SBNO1: variants seen among roughly 807,000 people sequenced by gnomAD.
SBNO1 encodes the protein protein strawberry notch homolog 1.
A neutral mutation model predicts 173.6 loss-of-function variants in SBNO1; 23 were observed. The observed-to-expected ratio is 0.13, with a 90% CI of 0.10 to 0.19. SBNO1 has a LOEUF of 0.19. Among genes scored for constraint, SBNO1 ranks in the 10% least tolerant of loss-of-function variants. The probability of loss-of-function intolerance (pLI) is 1.00; values close to 1 mark genes in which losing one functional copy is unlikely to be tolerated. For missense variants in SBNO1, 1,238 were observed against 1,671.2 expected, an observed-to-expected ratio of 0.74 and a Z score of 4.52; for synonymous variants, 632 against 571.5, an observed-to-expected ratio of 1.11 and a Z score of -1.51.
chr12:123,327,683 A>C, intron 12 of SBNO1, 24 bp downstream of exon 12: 1 of 1,588,248 alleles, frequency 6.3e-7, no homozygotes, highest in Non-Finnish European at 8.6e-7. Context: ...TACTGAGAAG[A>C]GTATATACCG....
At chr12:123,331,732 G>C (rs1006546952) in intron 7 of SBNO1, among the ~76,000 whole-genome samples, 8 of 152,124 alleles carry the variant, frequency 5.3e-5, no homozygotes, top group African/African-American at 1.9e-4. Context: ...ATGTTAGCCA[G>C]GATGATCTCG....
chr12:123,321,690 C>T lies in SBNO1; in HGVS notation c.2168G>A (p.Gly723Asp). The T allele has an allele frequency of 6.2e-7, 1 of 1,614,118 alleles. No individual in the cohort carries two copies. The highest frequency in any genetic ancestry group is 8.5e-7 in the Non-Finnish European group (1 of 1,180,022). ...TREAKKARKV[G>D]GLTGSSSDDS... The stretch of plus-strand genomic sequence containing the variant: ...GTCAGAACTGCTACCAGTAAGGCCA[C>T]CTACTTTTCGTGCTTTTTTGGCTTC... Residue 723 changes from glycine (G) to aspartate (D), a missense_variant, in exon 17 of 32, where the codon GGT (glycine) becomes GAT (aspartate). Around this residue, in one of 14 missense-constraint regions of SBNO1, gnomAD observed 81 missense variants for 82.6 expected, o/e 0.98. Transcript: ENST00000602398.
intron 29 of SBNO1, 64 bp downstream of exon 29, chr12:123,304,518 G>A (rs750583942): frequency 1.6e-6 from 2 of 1,262,450 alleles, no homozygotes; most frequent in Non-Finnish European, 1.1e-6. Flanking sequence ...TTACAGGTGT[G>A]AGCCACATTG....
Position 123,345,543 on chromosome 12 carries a change from C to T in SBNO1, c.265G>A (p.Val89Met). Reference protein sequence around the residue: ...RQQPPSTTTFVLNQINHLPPL... With the variant: ...RQQPPSTTTFMLNQINHLPPL... ...GGAAGATGATTTATTTGATTCAGCA[C>T]AAATGTTGTAGTAGATGGAGGCTGC... Residue 89 changes from valine (V) to methionine (M), a missense_variant, in exon 4 of 32, where the codon GTG (valine) becomes ATG (methionine). Physicochemically the swap from Val to Met is conservative, Grantham distance 21 (BLOSUM62 1). This residue lies in a region of SBNO1 where 287 missense variants were observed against 274.1 expected (regional missense o/e 1.05). Transcript: ENST00000602398. 4 of 1,613,936 alleles carry T rather than the reference C, an allele frequency of 2.5e-6. No individual in the cohort carries two copies. The highest frequency in any genetic ancestry group is 3.4e-6 in the Non-Finnish European group (4 of 1,179,882).
At chr12:123,324,915 T>C (rs1870439624) in intron 15 of SBNO1, among the ~76,000 whole-genome samples, 1 of 151,910 alleles carries the variant, frequency 6.6e-6, no homozygotes, top group South Asian at 2.1e-4. Flanking sequence ...TTCAATGGAT[T>C]CTCCTGCCTC....
intron 16 of SBNO1, among the ~76,000 whole-genome samples, 154 bp downstream of exon 16, chr12:123,323,526 T>C (rs11057270): frequency 0.27 from 40,828 of 151,732 alleles, 6,641 homozygotes; most frequent in African/African-American, 0.44. Context: ...GGCTAATTTT[T>C]TGTATTTTCA....
intron 21 of SBNO1, among the ~76,000 whole-genome samples, chr12:123,316,765 T>C (rs1171849840): frequency 3.4e-5 from 5 of 149,064 alleles, no homozygotes. Flanking sequence ...TGCAATAGCG[T>C]GATCTCAGCT....
At chr12:123,317,690 G>T (rs1038171054) in intron 20 of SBNO1, among the ~76,000 whole-genome samples, 1 of 152,120 alleles carries the variant, frequency 6.6e-6, no homozygotes, top group African/African-American at 2.4e-5. Flanking sequence ...GGAAATGGAG[G>T]CCCACATAAT....
At chr12:123,320,109 C>T in intron 19 of SBNO1, 78 bp from the exon 20 acceptor site, 1 of 1,503,662 alleles carries the variant, frequency 6.7e-7, no homozygotes, top group Non-Finnish European at 9.2e-7. Flanking sequence ...TCCTTGAAGA[C>T]ACTTGGGAGA....
chr12:123,331,121 A>C (rs6488869), intron 8 of SBNO1, 121 bp downstream of exon 8: 915,903 of 959,866 alleles, frequency 0.95, 437,788 homozygotes, highest in Non-Finnish European at 0.96. Context: ...CACCATGACG[A>C]CCGGCTGATT....
chr12:123,295,704 A>C lies in SBNO1; in HGVS notation c.*204T>G, dbSNP rs562555841. The C allele has an allele frequency of 3.3e-4, 198 of 595,034 alleles. No individual in the cohort carries two copies. Among genetic ancestry groups the C allele is most frequent in the Non-Finnish European group, 5.0e-4 (168 of 337,504 alleles). The allele number at this position is 595,034 out of a possible 1,614,324, so 36.9% of individuals were successfully genotyped here. On this transcript the variant is annotated 3_prime_UTR_variant, in exon 32 of 32. Coordinates refer to ENST00000602398, the MANE Select transcript of SBNO1 (RefSeq NM_001167856.3). Reference sequence around the variant, plus strand: ...ATGGGAATTATCAGGGGAGAAGCTAAAGGAAAGACATATGTACCACCATCA... The same window carrying C: ...ATGGGAATTATCAGGGGAGAAGCTACAGGAAAGACATATGTACCACCATCA...
chr12:123,320,369 T>C (rs1423013906), intron 19 of SBNO1, 63 bp downstream of exon 19: 1 of 1,391,836 alleles, frequency 7.2e-7, no homozygotes, highest in Non-Finnish European at 9.9e-7. Context: ...ACAGTCAAAA[T>C]ACAACTCATT....
intron 4 of SBNO1, among the ~76,000 whole-genome samples, chr12:123,342,251 A>G (rs1872654222): frequency 6.6e-6 from 1 of 151,828 alleles, no homozygotes; most frequent in African/African-American, 2.4e-5. Flanking sequence ...ACTCTGTCTC[A>G]AAAAAATTAA....
At position 123,357,085 on chromosome 12, in the gene SBNO1, A is replaced by AGG. The variant is rs1335944741; in HGVS notation, c.1-6645_1-6644insCC. 6.1e-3 allele frequency among the ~76,000 whole-genome samples: 930 copies of AGG among 152,304 alleles called. 13 individuals carry two copies. Among genetic ancestry groups the AGG allele is most frequent in the African/African-American group, 0.021 (891 of 41,574 alleles). ...TGTCTACTGTGTGCAGTAGACACTT[A>AGG]AGAACATCAGGAGAAAGAAACAGCA... On this transcript the variant is annotated intron_variant, in intron 1 of 31. Transcript: ENST00000602398.
chr12:123,323,018 G>A (rs1352852382), intron 16 of SBNO1, among the ~76,000 whole-genome samples: 1 of 152,142 alleles, frequency 6.6e-6, no homozygotes, highest in Non-Finnish European at 1.5e-5. Context: ...AACTATCTCT[G>A]TGAAACTAGG....
intron 2 of SBNO1, chr12:123,349,125 G>C (rs1432725436): frequency 6.6e-6 from 1 of 151,666 alleles, no homozygotes; most frequent in Non-Finnish European, 1.5e-5. Context: ...TCAGAAACAA[G>C]GTCTTGCTCT....
In SBNO1 at chr12:123,349,614, C is replaced by T. The variant is rs536318061; in HGVS notation, c.132+696G>A. The stretch of plus-strand genomic sequence containing the variant: ...TCTGCCTCATAAATCAAAATGAATA[C>T]TCAACATAAAAATAACATTTGGCCG... On this transcript the variant is annotated intron_variant, in intron 2 of 31. Coordinates refer to ENST00000602398, the MANE Select transcript of SBNO1 (RefSeq NM_001167856.3). 4.5e-4 allele frequency among the ~76,000 whole-genome samples: 63 copies of T among 140,926 alleles called. 1 individual carries two copies. The Middle Eastern group carries it at 0.015, about 33-fold the overall frequency. The allele number at this position is 140,926 out of a possible 152,430, so 92.5% of individuals were successfully genotyped here.
In SBNO1 at chr12:123,319,954, C is replaced by T. The variant is rs1869761912; in HGVS notation, c.2745G>A (p.Val915=). Residue 915 remains valine, a synonymous_variant, in exon 20 of 32, where the codon GTG becomes GTA. Coordinates refer to ENST00000602398, the MANE Select transcript of SBNO1 (RefSeq NM_001167856.3). ...CTGTGATGTTTAGTATTTCCACAGG[C>T]ACATCAAGTTCAGATCTTGACTCAT... ...ISYESRSELD[V]PVEILNITEK... 2 of 1,613,742 alleles carry T rather than the reference C, an allele frequency of 1.2e-6. No individual in the cohort carries two copies. The highest frequency in any genetic ancestry group is 2.2e-5 in the East Asian group (1 of 44,874).
In SBNO1 at chr12:123,295,693, G is replaced by C; in HGVS notation, c.*215C>G. ...AGTAAAAGCAGATGGGAATTATCAGGGGAGAAGCTAAAGGAAAGACATATG... is the reference window on the plus strand; with the variant it reads ...AGTAAAAGCAGATGGGAATTATCAGCGGAGAAGCTAAAGGAAAGACATATG... On this transcript the variant is annotated 3_prime_UTR_variant, in exon 32 of 32. Coordinates refer to ENST00000602398, the MANE Select transcript of SBNO1 (RefSeq NM_001167856.3). 1 of 553,704 alleles carries C rather than the reference G, an allele frequency of 1.8e-6. No individual in the cohort carries two copies. The highest frequency in any genetic ancestry group is 3.2e-6 in the Non-Finnish European group (1 of 310,866). The allele number at this position is 553,704 out of a possible 1,614,324, so 34.3% of individuals were successfully genotyped here.
Sources: allele counts gnomAD v4.1 joint callset (sites outside exome capture counted in the v4.1 genomes callset), GRCh38; gene constraint gnomAD v4.1.1; regional missense constraint gnomAD v4.1.1; transcripts MANE v1.5; gene names NCBI Gene and HGNC (gene_info 2026-07-23, HGNC 2026-07-21).